IQCJ: variants seen among roughly 807,000 people sequenced by gnomAD.
The protein encoded by IQCJ is IQ motif containing J, also known as IQ domain-containing protein J.
IQCJ carries 9 observed loss-of-function variants against 11.0 expected under a neutral mutation model. The observed-to-expected ratio is 0.82, with a 90% CI of 0.49 to 1.43. The LOEUF is 1.43. Ranked by LOEUF, IQCJ falls within the 40% of genes most tolerant of loss-of-function variation. The pLI, the probability that IQCJ is intolerant of heterozygous loss-of-function variation, is 0.00. For synonymous variants in IQCJ, 55 were observed against 51.3 expected (o/e 1.07, Z -0.31); for missense variants, 146 against 133.2 (o/e 1.10, Z -0.47).
At chr3:159,143,751 T>C (rs1429678982) in intron 1 of IQCJ, among the ~76,000 whole-genome samples, 2 of 152,212 alleles carry the variant, frequency 1.3e-5, no homozygotes, top group African/African-American at 2.4e-5. Context: ...CACAAGAATA[T>C]TGGAGCCAGG....
At chr3:159,253,252 C>CT (rs1298957714) in intron 3 of IQCJ, among the ~76,000 whole-genome samples, 3 of 151,818 alleles carry the variant, frequency 2.0e-5, no homozygotes, top group Non-Finnish European at 1.5e-5. Context: ...TTCTTCTCTT[C>CT]TTTTTTTCTC....
chr3:159,105,005 T>C (rs1463115813), intron 1 of IQCJ, among the ~76,000 whole-genome samples: 1 of 152,180 alleles, frequency 6.6e-6, no homozygotes, highest in African/African-American at 2.4e-5. Context: ...GTCTGGAACA[T>C]AGTAGATATT....
chr3:159,182,766 A>G (rs1292478913), intron 1 of IQCJ, among the ~76,000 whole-genome samples: 1 of 132,962 alleles, frequency 7.5e-6, no homozygotes, highest in East Asian at 2.2e-4. Flanking sequence ...GTCAATCTTT[A>G]TTTTTATTTA....
At chr3:159,227,160 C>T (rs557756744) in intron 1 of IQCJ, among the ~76,000 whole-genome samples, 4 of 152,194 alleles carry the variant, frequency 2.6e-5, no homozygotes, top group African/African-American at 9.6e-5. Context: ...TATAATTAGA[C>T]AATTTTGATA....
chr3:159,091,056 T>G (rs1717242274), intron 1 of IQCJ, among the ~76,000 whole-genome samples: 1 of 151,836 alleles, frequency 6.6e-6, no homozygotes, highest in Admixed American at 6.5e-5. Flanking sequence ...TAATTAATGT[T>G]GACCTATGGA....
chr3:159,075,179 T>C (rs1296602629), intron 1 of IQCJ, among the ~76,000 whole-genome samples: 1 of 152,112 alleles, frequency 6.6e-6, no homozygotes, highest in Admixed American at 6.6e-5. Context: ...TTTATAGGAA[T>C]TTGCAATGCA....
At chr3:159,090,232 G>C (rs1244774083) in intron 1 of IQCJ, among the ~76,000 whole-genome samples, 1 of 151,354 alleles carries the variant, frequency 6.6e-6, no homozygotes, top group Non-Finnish European at 1.5e-5. Context: ...TAGGCTGCTC[G>C]GGGGGTCAGG....
chr3:159,207,219 C>T (rs1008050407), intron 1 of IQCJ, among the ~76,000 whole-genome samples: 1 of 152,204 alleles, frequency 6.6e-6, no homozygotes, highest in African/African-American at 2.4e-5. Flanking sequence ...TTTACAGCCC[C>T]TATTTTGTAA....
At chr3:159,195,855 T>C (rs1723954688) in intron 1 of IQCJ, among the ~76,000 whole-genome samples, 1 of 152,238 alleles carries the variant, frequency 6.6e-6, no homozygotes, top group Non-Finnish European at 1.5e-5. Context: ...AAGACACCAA[T>C]AATATCTCAG....
At chr3:159,265,372 T>C, downstream of IQCJ, 1 of 1,613,632 alleles carries the variant, frequency 6.2e-7, no homozygotes, top group Non-Finnish European at 8.5e-7. Flanking sequence ...GAGCCCCAGA[T>C]AGAAAGACTT....
At chr3:159,136,151 C>G (rs1377473629) in intron 1 of IQCJ, among the ~76,000 whole-genome samples, 2 of 152,150 alleles carry the variant, frequency 1.3e-5, no homozygotes, top group Non-Finnish European at 2.9e-5. Flanking sequence ...GACTCTTTAT[C>G]AGTACTGTGA....
intron 1 of IQCJ, among the ~76,000 whole-genome samples, chr3:159,172,670 T>TG (rs999710042): frequency 6.6e-6 from 1 of 150,924 alleles, no homozygotes; most frequent in Non-Finnish European, 1.5e-5. Context: ...CTCTCTACTA[T>TG]GGCTCCTGCT....
chr3:159,102,272 T>A (rs375301527), intron 1 of IQCJ, among the ~76,000 whole-genome samples: 1 of 152,230 alleles, frequency 6.6e-6, no homozygotes, highest in African/African-American at 2.4e-5. Context: ...TCTGTTATCA[T>A]AATCCTATTA....
intron 2 of IQCJ, among the ~76,000 whole-genome samples, 175 bp from the exon 3 acceptor site, chr3:159,252,552 T>G (rs1727662300): frequency 6.6e-6 from 1 of 152,204 alleles, no homozygotes; most frequent in Non-Finnish European, 1.5e-5. Context: ...GCCACATTTT[T>G]TTTTTCATGA....
At chr3:159,195,147 CA>C (rs1723912647) in intron 1 of IQCJ, among the ~76,000 whole-genome samples, 1 of 152,064 alleles carries the variant, frequency 6.6e-6, no homozygotes, top group South Asian at 2.1e-4. Context: ...AGCACGTTTC[CA>C]TATCTATAAA....
intron 1 of IQCJ, among the ~76,000 whole-genome samples, chr3:159,156,013 T>C (rs1721499027): frequency 6.6e-6 from 1 of 152,238 alleles, no homozygotes; most frequent in South Asian, 2.1e-4. Context: ...AATTGAACTG[T>C]AGTTATAACA....
intron 1 of IQCJ, among the ~76,000 whole-genome samples, chr3:159,075,060 A>G (rs1333654182): frequency 6.6e-6 from 1 of 152,170 alleles, no homozygotes; most frequent in Non-Finnish European, 1.5e-5. Flanking sequence ...AAAGATTCAC[A>G]TTATACATGA....
At chr3:159,130,568 TCA>T (rs1719933008) in intron 1 of IQCJ, among the ~76,000 whole-genome samples, 2 of 152,204 alleles carry the variant, frequency 1.3e-5, no homozygotes, top group African/African-American at 2.4e-5. Flanking sequence ...GATATCAACA[TCA>T]TAAGGTTGAG....
At chr3:159,244,043 A>G (rs1417887331) in intron 1 of IQCJ, among the ~76,000 whole-genome samples, 3 of 152,230 alleles carry the variant, frequency 2.0e-5, no homozygotes, top group Non-Finnish European at 4.4e-5. Context: ...ATTTGCTAAA[A>G]TGAGGAAGAA....
Sources: allele counts gnomAD v4.1 joint callset (sites outside exome capture counted in the v4.1 genomes callset), GRCh38; gene constraint gnomAD v4.1.1; transcripts MANE v1.5; gene names NCBI Gene and HGNC (gene_info 2026-07-23, HGNC 2026-07-21).